The following LRRC45 variants were observed in gnomAD, a reference collection of about 807,000 sequenced individuals.
The protein encoded by LRRC45 is leucine rich repeat containing 45.
Under a neutral mutation model 85.4 loss-of-function variants are expected in LRRC45, and 73 were observed. That is an observed-to-expected ratio of 0.85 (90% CI 0.71 to 1.04). LRRC45 has a LOEUF of 1.04. LRRC45 is among the 50% of genes least tolerant of loss of function. The pLI is 0.00. For missense variants in LRRC45, 937 were observed against 883.3 expected, an observed-to-expected ratio of 1.06 and a Z score of -0.77; for synonymous variants, 429 against 386.0, an observed-to-expected ratio of 1.11 and a Z score of -1.31.
At chr17:82,026,184 C>T (rs923474075) in intron 5 of LRRC45, among the ~76,000 whole-genome samples, 2 of 152,242 alleles carry the variant, frequency 1.3e-5, no homozygotes, top group African/African-American at 2.4e-5. Flanking sequence ...TCCCTCCTGA[C>T]CTCTGCCCCC....
intron 16 of LRRC45, 47 bp downstream of exon 16, chr17:82,030,513 G>A (rs886113011): frequency 9.2e-6 from 14 of 1,525,960 alleles, no homozygotes; most frequent in East Asian, 2.5e-5. Flanking sequence ...GGGACGTGAG[G>A]CCAGCCAGAG....
intron 14 of LRRC45, 28 bp downstream of exon 14, chr17:82,029,663 G>C: frequency 1.3e-6 from 2 of 1,547,150 alleles, no homozygotes; most frequent in Non-Finnish European, 8.7e-7. Flanking sequence ...GCCACCCTCC[G>C]GGGGAGCCAG....
Position 82,027,704 on chromosome 17 carries a change from G to A in LRRC45, c.864G>A (p.Gln288=), listed in dbSNP as rs181723391. 1.9e-6 allele frequency: 3 copies of A among 1,610,976 alleles called. No homozygotes were observed. The highest frequency in any genetic ancestry group is 2.7e-5 in the African/African-American group (2 of 75,024). Residue 288 remains glutamine (Q), a synonymous_variant, in exon 8 of 17, where the codon CAG becomes CAA. Coordinates refer to ENST00000306688, the MANE Select transcript of LRRC45 (RefSeq NM_144999.4). ...CGGCAGCCCGTGTAGGGCAGCTTCA[G>A]GAAGCCCTGAATGAGAGGCACTCCA... ...RASAARVGQL[Q]EALNERHSII...
In LRRC45 at chr17:82,023,563, G is replaced by A. The variant is rs913633533; in HGVS notation, c.-81G>A. 7.7e-7 allele frequency: 1 copy of A among 1,295,178 alleles called. No homozygotes were observed. The highest frequency in any genetic ancestry group is 1.5e-5 in the African/African-American group (1 of 65,978). The allele number at this position is 1,295,178 out of a possible 1,614,324, so 80.2% of individuals were successfully genotyped here. Reference sequence around the variant, plus strand: ...GGAGGCCCCGTCTCCTGTACCCGGCGCTGGGACTGCTCCGCACCGCGCGGC... The same window carrying A: ...GGAGGCCCCGTCTCCTGTACCCGGCACTGGGACTGCTCCGCACCGCGCGGC... On this transcript the variant is annotated 5_prime_UTR_variant, in exon 1 of 17. Coordinates refer to ENST00000306688, the MANE Select transcript of LRRC45 (RefSeq NM_144999.4).
At chr17:82,027,113 C>G (rs61334562) in intron 6 of LRRC45, 102 bp downstream of exon 6, 35 of 1,087,472 alleles carry the variant, frequency 3.2e-5, no homozygotes, top group Non-Finnish European at 4.5e-5. Context: ...TTCCCTTCCT[C>G]GGGGCCCTGG....
intron 13 of LRRC45, 92 bp from the exon 14 acceptor site, chr17:82,029,450 GC>G: frequency 2.9e-6 from 4 of 1,370,556 alleles, no homozygotes; most frequent in South Asian, 1.3e-5. Flanking sequence ...GCAGAGAGGA[GC>G]CCCCCTGGCT....
rs2043414831 is a variant in LRRC45, at chr17:82,030,836, A to T, written c.*31A>T. 1 of 1,312,694 alleles carries T rather than the reference A, an allele frequency of 7.6e-7. No homozygotes were observed. The allele number at this position is 1,312,694 out of a possible 1,614,324, so 81.3% of individuals were successfully genotyped here. ...GCCGGGAGGACCCGGGCGCAGTAGG[A>T]GTGCATCAGGCGGCGCCCGAGATGG... On this transcript the variant is annotated 3_prime_UTR_variant, in exon 17 of 17. Coordinates refer to ENST00000306688, the MANE Select transcript of LRRC45 (RefSeq NM_144999.4).
intron 1 of LRRC45, 171 bp from the exon 2 acceptor site, chr17:82,024,107 C>A: frequency 1.2e-6 from 1 of 812,382 alleles, no homozygotes; most frequent in Non-Finnish European, 1.9e-6. Flanking sequence ...CTGGCAGGGG[C>A]TGCAGGTGTT....
Position 82,028,108 on chromosome 17 carries a change from T to C in LRRC45, c.1009T>C (p.Ser337Pro), listed in dbSNP as rs1207728151. 7.6e-6 allele frequency: 12 copies of C among 1,577,054 alleles called. No homozygotes were observed. Among genetic ancestry groups the C allele is most frequent in the African/African-American group, 1.4e-5 (1 of 74,048 alleles). ...ATAEQEQLSL[S>P]QRQAKELKLE... ...AGCGGAGCAGGAGCAGCTGAGCCTGTCACAGAGGCAGGCCAAGGAGCTCAA... is the reference window on the plus strand; with the variant it reads ...AGCGGAGCAGGAGCAGCTGAGCCTGCCACAGAGGCAGGCCAAGGAGCTCAA... Residue 337 changes from serine to proline, a missense_variant, in exon 9 of 17, where the codon TCA (serine) becomes CCA (proline). Transcript: ENST00000306688.
intron 13 of LRRC45, 66 bp downstream of exon 13, chr17:82,029,251 G>T: frequency 6.8e-7 from 1 of 1,460,736 alleles, no homozygotes. Flanking sequence ...AGGGGCCCCT[G>T]GTGTTCGCCG....
At chr17:82,024,227 G>A (rs1278362123) in intron 1 of LRRC45, 51 bp from the exon 2 acceptor site, 3 of 1,593,430 alleles carry the variant, frequency 1.9e-6, no homozygotes, top group Non-Finnish European at 1.7e-6. Context: ...CCACGGGGAG[G>A]GCCTTGGGGT....
intron 13 of LRRC45, 106 bp from the exon 14 acceptor site, chr17:82,029,437 C>G: frequency 2.3e-6 from 3 of 1,294,774 alleles, no homozygotes; most frequent in Non-Finnish European, 3.3e-6. Context: ...CCTCAGGAGG[C>G]TGGCAGAGAG....
In LRRC45 at chr17:82,028,163, TGA is replaced by T; in HGVS notation, c.1047+21_1047+22del. On this transcript the variant is annotated intron_variant, in intron 9 of 16. Coordinates refer to ENST00000306688, the MANE Select transcript of LRRC45 (RefSeq NM_144999.4). ...GAGCAGCAGGTGGGTGGGCAGGGCT[TGA>T]GAGGGGTGGGCCAAGGGGTGCGTGG... 1.3e-6 allele frequency: 2 copies of T among 1,561,070 alleles called. No individual in the cohort carries two copies. The highest frequency in any genetic ancestry group is 1.7e-6 in the Non-Finnish European group (2 of 1,152,986).
At chr17:82,029,246 C>CGAA (rs1041212303) in intron 13 of LRRC45, 61 bp downstream of exon 13, 2 of 1,508,470 alleles carry the variant, frequency 1.3e-6, no homozygotes, top group African/African-American at 2.7e-5. Flanking sequence ...AAGGCAGGGG[C>CGAA]CCCTGGTGTT....
chr17:82,027,141 G>A (rs2043375145), intron 6 of LRRC45, 130 bp downstream of exon 6: 3 of 916,790 alleles, frequency 3.3e-6, no homozygotes, highest in Middle Eastern at 2.2e-4. Context: ...CTGAGTGGCT[G>A]GTACCAGGAA....
At chr17:82,024,367 G>A (rs1475822628) in intron 2 of LRRC45, 28 bp downstream of exon 2, 4 of 1,610,962 alleles carry the variant, frequency 2.5e-6, no homozygotes, top group Non-Finnish European at 2.5e-6. Flanking sequence ...TTGAGTGTCC[G>A]AGTGTGCCAC....
chr17:82,027,319 C>G, intron 6 of LRRC45, 67 bp from the exon 7 acceptor site: 1 of 1,582,026 alleles, frequency 6.3e-7, no homozygotes, highest in Non-Finnish European at 8.7e-7. Flanking sequence ...GCTCTCCTTC[C>G]CCCTGAGAAG....
At chr17:82,029,914 G>A in intron 14 of LRRC45, 151 bp from the exon 15 acceptor site, 1 of 982,062 alleles carries the variant, frequency 1.0e-6, no homozygotes, top group Non-Finnish European at 1.5e-6. Context: ...GAGGGCATCT[G>A]GAGGAGGTGG....
rs114763314 is a variant in LRRC45 at position 82,028,662 on chromosome 17, C to G, written c.1287C>G (p.Ser429=). 1 of 1,612,708 alleles carries G rather than the reference C, an allele frequency of 6.2e-7. No homozygotes were observed. Among genetic ancestry groups the G allele is most frequent in the South Asian group, 1.1e-5 (1 of 91,048 alleles). The change falls in exon 12 of 17, where the codon TCC becomes TCG. Residue 429 remains serine, a synonymous_variant. Coordinates refer to ENST00000306688, the MANE Select transcript of LRRC45 (RefSeq NM_144999.4). ...GATGCAGACAGAGCCTGGAGGACTC[C>G]GAAAGCCTGCGCATCAAGGAGGTGC... ...KRRCRQSLED[S]ESLRIKEVEH...
Sources: gnomAD v4.1 joint callset for allele counts (sites outside exome capture counted in the v4.1 genomes callset) on GRCh38, gnomAD v4.1.1 for gene constraint, MANE v1.5 for transcripts, NCBI Gene and HGNC (gene_info 2026-07-23, HGNC 2026-07-21) for gene names.